Variants in DLG2 observed in about 807,000 individuals in gnomAD.
DLG2 encodes the protein disks large homolog 2.
DLG2 carries 45 observed loss-of-function variants against 132.5 expected under a neutral mutation model. That is an observed-to-expected ratio of 0.34 (90% CI 0.27 to 0.44). DLG2 has a LOEUF of 0.44. DLG2 is among the 20% of genes least tolerant of loss of function. The pLI is 1.00. For missense variants in DLG2, 1,045 were observed against 1,196.9 expected, an observed-to-expected ratio of 0.87 and a Z score of 1.87; for synonymous variants, 424 against 419.6, an observed-to-expected ratio of 1.01 and a Z score of -0.13.
chr11:84,830,684 C>T (rs2078921344), intron 6 of DLG2, among the ~76,000 whole-genome samples: 1 of 151,352 alleles, frequency 6.6e-6, no homozygotes, highest in Non-Finnish European at 1.5e-5. Context: ...CTGACTGAAG[C>T]CTGCATAAAT....
Position 83,458,122 on chromosome 11 carries a change from C to T in DLG2, c.*1696G>A, listed in dbSNP as rs2135897799. The T allele has an allele frequency of 6.5e-6, 1 of 152,722 alleles. No individual in the cohort carries two copies. The highest frequency in any genetic ancestry group is 1.9e-4 in the East Asian group (1 of 5,178). The allele number at this position is 152,722 out of a possible 1,614,324, so 9.5% of individuals were successfully genotyped here. On this transcript the variant is annotated 3_prime_UTR_variant, in exon 28 of 28. Transcript: ENST00000376104. ...CTGCACAGTGTGGCAGAATCCCTGC[C>T]AGGTCTGGATGTACCCCAGAAATAA...
chr11:84,750,979 G>A (rs1388838991), intron 6 of DLG2, among the ~76,000 whole-genome samples: 7 of 152,108 alleles, frequency 4.6e-5, no homozygotes. Context: ...ATCCTATTAA[G>A]TCAAGAATTT....
chr11:85,532,913 T>C (rs774997635), intron 3 of DLG2, among the ~76,000 whole-genome samples: 14 of 152,154 alleles, frequency 9.2e-5, no homozygotes, highest in Non-Finnish European at 1.9e-4. Context: ...CAAAAAACAA[T>C]GCATTTTGTT....
At chr11:84,819,828 G>A (rs2077482263) in intron 6 of DLG2, among the ~76,000 whole-genome samples, 2 of 151,706 alleles carry the variant, frequency 1.3e-5, no homozygotes, top group South Asian at 2.1e-4. Context: ...CACATGGGGT[G>A]TACCATACAG....
intron 3 of DLG2, among the ~76,000 whole-genome samples, chr11:85,394,862 C>A (rs1300357659): frequency 2.0e-5 from 3 of 152,286 alleles, no homozygotes; most frequent in East Asian, 3.9e-4. Flanking sequence ...AACATGTGAA[C>A]CTTGATGTTA....
intron 4 of DLG2, among the ~76,000 whole-genome samples, chr11:85,163,609 A>C (rs1158987783): frequency 6.6e-6 from 1 of 152,206 alleles, no homozygotes; most frequent in Non-Finnish European, 1.5e-5. Context: ...CTCTGAAGGA[A>C]AAGGCATAGA....
intron 6 of DLG2, among the ~76,000 whole-genome samples, chr11:85,065,985 G>A (rs147399551): frequency 1.3e-5 from 2 of 151,482 alleles, no homozygotes; most frequent in Non-Finnish European, 3.0e-5. Flanking sequence ...ACAAAAGTGA[G>A]ATAATAAATG....
chr11:85,305,554 A>C (rs974330220), intron 3 of DLG2, among the ~76,000 whole-genome samples: 3 of 152,026 alleles, frequency 2.0e-5, no homozygotes, highest in African/African-American at 7.2e-5. Context: ...ACTCTGTCGC[A>C]CAGGCTGGAG....
chr11:83,531,583 C>T (rs1565666424), intron 21 of DLG2, among the ~76,000 whole-genome samples: 2 of 151,944 alleles, frequency 1.3e-5, no homozygotes, highest in Non-Finnish European at 2.9e-5. Flanking sequence ...GGAAAACAGC[C>T]TGTCAGTTCC....
At chr11:84,437,202 T>C (rs1402461005) in intron 7 of DLG2, among the ~76,000 whole-genome samples, 1 of 152,158 alleles carries the variant, frequency 6.6e-6, no homozygotes, top group Non-Finnish European at 1.5e-5. Context: ...TAACCCTTAA[T>C]GCTCCCCTCC....
At chr11:84,578,163 G>A (rs948755351) in intron 6 of DLG2, among the ~76,000 whole-genome samples, 1 of 152,192 alleles carries the variant, frequency 6.6e-6, no homozygotes, top group African/African-American at 2.4e-5. Flanking sequence ...TTTGCTGCAT[G>A]GACGGGGCCC....
At position 84,818,126 on chromosome 11, in the gene DLG2, C is replaced by T. The variant is rs561057363; in HGVS notation, c.358-283395G>A. ...TTCTATACTATTTCATAATACTTCT[C>T]TATCAGAGGAGAATGACTTCAAGGC... On this transcript the variant is annotated intron_variant, in intron 6 of 27. Transcript: ENST00000376104. Among the ~76,000 whole-genome samples the T allele has an allele frequency of 6.4e-4, 97 of 152,118 alleles. 1 individual carries two copies. The South Asian group carries it at 0.019, about 31-fold the overall frequency.
At chr11:85,111,815 C>A (rs2072798875) in intron 5 of DLG2, 80 bp from the exon 6 acceptor site, 1 of 1,094,618 alleles carries the variant, frequency 9.1e-7, no homozygotes, top group South Asian at 1.5e-5. Context: ...TGTTTATTAT[C>A]AATATGTTTA....
intron 7 of DLG2, among the ~76,000 whole-genome samples, chr11:84,272,473 T>C (rs1300726867): frequency 6.6e-6 from 1 of 152,168 alleles, no homozygotes; most frequent in African/African-American, 2.4e-5. Flanking sequence ...ATTTTAATAT[T>C]CTTCTTGGTA....
chr11:83,654,915 G>A (rs1044065293), intron 18 of DLG2, among the ~76,000 whole-genome samples: 4 of 152,206 alleles, frequency 2.6e-5, no homozygotes, highest in Non-Finnish European at 5.9e-5. Flanking sequence ...ATGTCTTGGG[G>A]ACTGGTCCAG....
At chr11:84,249,062 A>G (rs2097338888) in intron 8 of DLG2, among the ~76,000 whole-genome samples, 1 of 152,214 alleles carries the variant, frequency 6.6e-6, no homozygotes, top group Non-Finnish European at 1.5e-5. Flanking sequence ...CTGATAAATT[A>G]TTTCTACATG....
intron 6 of DLG2, among the ~76,000 whole-genome samples, chr11:84,964,447 AG>A (rs1201744750): frequency 6.6e-6 from 1 of 152,132 alleles, no homozygotes; most frequent in African/African-American, 2.4e-5. Flanking sequence ...ATAATGAAAA[AG>A]CTATAATGTA....
intron 8 of DLG2, among the ~76,000 whole-genome samples, chr11:84,207,492 A>G (rs1566931274): frequency 6.6e-6 from 1 of 152,142 alleles, no homozygotes; most frequent in Non-Finnish European, 1.5e-5. Flanking sequence ...TACCATAAAT[A>G]TATAGTAAAA....
intron 6 of DLG2, among the ~76,000 whole-genome samples, chr11:84,682,403 C>T (rs1254677507): frequency 1.3e-5 from 2 of 152,156 alleles, no homozygotes; most frequent in African/African-American, 4.8e-5. Flanking sequence ...AACACTACCA[C>T]ACAAAATGCA....
Sources: allele counts gnomAD v4.1 joint callset (sites outside exome capture counted in the v4.1 genomes callset), GRCh38; gene constraint gnomAD v4.1.1; transcripts MANE v1.5; gene names NCBI Gene and HGNC (gene_info 2026-07-23, HGNC 2026-07-21).